GDPD4: variants seen among roughly 807,000 people sequenced by gnomAD.
The protein encoded by GDPD4 is glycerophosphodiester phosphodiesterase 6.
GDPD4 carries 60 observed loss-of-function variants against 67.8 expected under a neutral mutation model. The observed-to-expected ratio is 0.88, with a 90% confidence interval of 0.72 to 1.10. The LOEUF (loss-of-function observed/expected upper bound fraction) is 1.10, where lower values mean the gene tolerates loss of function less well. Among genes scored for constraint, GDPD4 ranks in the 50% least tolerant of loss-of-function variants. The pLI is 0.00. For synonymous variants in GDPD4, 212 were observed against 210.9 expected, an observed-to-expected ratio of 1.00 and a Z score of -0.04; for missense variants, 623 against 613.9, an observed-to-expected ratio of 1.01 and a Z score of -0.16.
intron 12 of GDPD4, among the ~76,000 whole-genome samples, chr11:77,244,102 G>A (rs1230764133): frequency 5.3e-5 from 8 of 152,146 alleles, no homozygotes; most frequent in Admixed American, 1.3e-4. Flanking sequence ...TGTAAGCTCC[G>A]CCACCCGGGT....
At chr11:77,267,182 T>C (rs2135868397) in intron 10 of GDPD4, among the ~76,000 whole-genome samples, 2 of 152,362 alleles carry the variant, frequency 1.3e-5, no homozygotes, top group South Asian at 4.1e-4. Flanking sequence ...CAGTATTCAG[T>C]ACAGTAACAT....
At chr11:77,268,793 A>C in intron 9 of GDPD4, 131 bp downstream of exon 9, 1 of 959,286 alleles carries the variant, frequency 1.0e-6, no homozygotes, top group Admixed American at 2.3e-5. Flanking sequence ...CTTTACAATG[A>C]ACTCTTTATT....
At chr11:77,228,570 C>A (rs1475630972) in intron 15 of GDPD4, among the ~76,000 whole-genome samples, 2 of 147,714 alleles carry the variant, frequency 1.4e-5, no homozygotes, top group Admixed American at 6.8e-5. Context: ...CCCAGCTACT[C>A]GGGAGGCTGA....
At chr11:77,227,095 T>C (rs1958356671) in intron 16 of GDPD4, among the ~76,000 whole-genome samples, 1 of 152,222 alleles carries the variant, frequency 6.6e-6, no homozygotes, top group South Asian at 2.1e-4. Flanking sequence ...TGCCTCCTAA[T>C]TGGTTTCCCT....
rs1958370173 is a variant in GDPD4 at position 77,227,721 on chromosome 11, C to G, written c.1525+143G>C. The G allele has an allele frequency of 6.1e-6, 4 of 659,614 alleles. No homozygotes were observed. The Admixed American group carries it at 7.2e-5, about 12-fold the overall frequency. 40.9% of individuals were successfully genotyped at this position (659,614 alleles called of 1,614,324 possible). A position where few individuals can be genotyped will look rare whatever the true frequency, so the allele number is the denominator to read the frequency against. ...CTCCAGAATCTATGCCCAGCCTATACTTCCCCTGGTCCCTCCCCCAACCCC... is the reference window on the plus strand; with the variant it reads ...CTCCAGAATCTATGCCCAGCCTATAGTTCCCCTGGTCCCTCCCCCAACCCC... On this transcript the variant is annotated intron_variant, in intron 16 of 16. Coordinates refer to ENST00000315938, the MANE Select transcript of GDPD4 (RefSeq NM_182833.3).
chr11:77,243,876 G>A (rs1229194771), intron 12 of GDPD4, 28 bp from the exon 13 acceptor site: 1 of 1,582,578 alleles, frequency 6.3e-7, no homozygotes, highest in African/African-American at 1.3e-5. Context: ...AAGTCCCTCA[G>A]TAGATAATCA....
intron 11 of GDPD4, 89 bp downstream of exon 11, chr11:77,258,297 C>G (rs373034245): frequency 5.3e-3 from 5,437 of 1,030,766 alleles, no homozygotes; most frequent in Non-Finnish European, 7.5e-3. Context: ...ACTTGCCTAT[C>G]TTCATCTATG....
chr11:77,258,613 C>T, intron 10 of GDPD4, 71 bp from the exon 11 acceptor site: 2 of 1,430,830 alleles, frequency 1.4e-6, no homozygotes, highest in South Asian at 2.3e-5. Context: ...GACAGGCTCC[C>T]CAGACAGTCC....
At chr11:77,234,185 T>C (rs1958507387) in intron 13 of GDPD4, among the ~76,000 whole-genome samples, 1 of 152,172 alleles carries the variant, frequency 6.6e-6, no homozygotes, top group Admixed American at 6.5e-5. Flanking sequence ...AAAATAATAA[T>C]AATGCCTCCT....
intron 10 of GDPD4, among the ~76,000 whole-genome samples, chr11:77,259,619 C>T (rs1959073605): frequency 6.6e-6 from 1 of 150,382 alleles, no homozygotes; most frequent in Admixed American, 6.6e-5. Context: ...TTCTTTCCTG[C>T]AGGTGAATAC....
At chr11:77,253,076 C>T (rs189320434) in intron 11 of GDPD4, among the ~76,000 whole-genome samples, 1 of 152,318 alleles carries the variant, frequency 6.6e-6, no homozygotes, top group African/African-American at 2.4e-5. Flanking sequence ...GAACCTTTCA[C>T]TCTCTGTGGC....
chr11:77,281,309 A>T (rs1020887341), intron 3 of GDPD4, among the ~76,000 whole-genome samples: 10 of 152,074 alleles, frequency 6.6e-5, no homozygotes, highest in African/African-American at 1.9e-4. Flanking sequence ...TATCAGCATC[A>T]CCAACTGTCA....
intron 11 of GDPD4, among the ~76,000 whole-genome samples, chr11:77,246,264 G>A (rs1958783773): frequency 6.6e-6 from 1 of 152,082 alleles, no homozygotes. Flanking sequence ...TACAGCCTGG[G>A]CAATAGAGTG....
chr11:77,283,078 T>G (rs1186749425), intron 3 of GDPD4, among the ~76,000 whole-genome samples: 2 of 152,210 alleles, frequency 1.3e-5, no homozygotes, highest in Non-Finnish European at 2.9e-5. Context: ...TGTGCCTGAT[T>G]TACAACACTA....
At chr11:77,258,789 C>T (rs185101431) in intron 10 of GDPD4, among the ~76,000 whole-genome samples, 1 of 152,270 alleles carries the variant, frequency 6.6e-6, no homozygotes, top group Admixed American at 6.5e-5. Flanking sequence ...CTTCTCTATT[C>T]AGGGGCTTTC....
intron 1 of GDPD4, among the ~76,000 whole-genome samples, chr11:77,288,546 T>C (rs1020378411): frequency 5.9e-5 from 9 of 152,144 alleles, no homozygotes; most frequent in Non-Finnish European, 1.2e-4. Context: ...ACCACTGATA[T>C]TGATTACAGC....
intron 1 of GDPD4, among the ~76,000 whole-genome samples, chr11:77,301,221 C>T (rs1472401211): frequency 6.6e-6 from 1 of 152,136 alleles, no homozygotes; most frequent in Non-Finnish European, 1.5e-5. Context: ...AGTAATATGT[C>T]CAAAACTGAA....
chr11:77,292,683 A>G (rs4944157), intron 1 of GDPD4, among the ~76,000 whole-genome samples: 52,397 of 151,878 alleles, frequency 0.34, 9,304 homozygotes, highest in Admixed American at 0.46. Flanking sequence ...CAACAAAACT[A>G]ATAAATTTCC....
At chr11:77,247,220 C>T (rs1958798108) in intron 11 of GDPD4, among the ~76,000 whole-genome samples, 1 of 152,150 alleles carries the variant, frequency 6.6e-6, no homozygotes, top group Non-Finnish European at 1.5e-5. Context: ...AAAGCTACAA[C>T]TAATGGTTTT....
Sources: allele counts gnomAD v4.1 joint callset (sites outside exome capture counted in the v4.1 genomes callset), GRCh38; gene constraint gnomAD v4.1.1; transcripts MANE v1.5; gene names NCBI Gene and HGNC (gene_info 2026-07-23, HGNC 2026-07-21).